The following GNAQ variants were observed in gnomAD, a reference collection of about 807,000 sequenced individuals.
GNAQ encodes the protein guanine nucleotide-binding protein G(q) subunit alpha.
Under a neutral mutation model 43.9 loss-of-function variants are expected in GNAQ, and 8 were observed. The ratio of observed to expected loss-of-function variants is 0.18; its 90% CI spans 0.11 to 0.33. The LOEUF is 0.33. Among genes scored for constraint, GNAQ ranks in the 10% least tolerant of loss-of-function variants. The pLI, the probability that GNAQ is intolerant of heterozygous loss-of-function variation, is 1.00. For synonymous variants in GNAQ, 155 were observed against 170.7 expected (o/e 0.91, Z 0.71); for missense variants, 158 against 450.8 (o/e 0.35, Z 5.88).
intron 2 of GNAQ, among the ~76,000 whole-genome samples, chr9:77,878,356 T>A (rs1029014151): frequency 2.0e-5 from 3 of 151,994 alleles, no homozygotes; most frequent in Admixed American, 6.6e-5. Context: ...AGGATTGAAT[T>A]CAAAATAGCC....
At chr9:77,723,003 T>G (rs912058347) in intron 6 of GNAQ, among the ~76,000 whole-genome samples, 3 of 152,170 alleles carry the variant, frequency 2.0e-5, no homozygotes, top group African/African-American at 7.2e-5. Flanking sequence ...TATTTACAAA[T>G]CATGTCATCT....
chr9:77,774,491 T>C (rs1826277377), intron 5 of GNAQ, among the ~76,000 whole-genome samples: 1 of 152,240 alleles, frequency 6.6e-6, no homozygotes, highest in Non-Finnish European at 1.5e-5. Context: ...AGACAGGTTC[T>C]TGCTCTGTCA....
At chr9:77,878,350 T>A (rs548350557) in intron 2 of GNAQ, among the ~76,000 whole-genome samples, 1 of 151,806 alleles carries the variant, frequency 6.6e-6, no homozygotes, top group East Asian at 1.9e-4. Context: ...AAAGAAAGGA[T>A]TGAATTCAAA....
chr9:77,945,331 T>A (rs1216004729), intron 1 of GNAQ, among the ~76,000 whole-genome samples: 1 of 151,842 alleles, frequency 6.6e-6, no homozygotes, highest in Non-Finnish European at 1.5e-5. Context: ...AGTAAGAAAA[T>A]AAGTAGTTTA....
At chr9:77,887,748 T>C (rs1044657704) in intron 2 of GNAQ, among the ~76,000 whole-genome samples, 1 of 152,248 alleles carries the variant, frequency 6.6e-6, no homozygotes, top group South Asian at 2.1e-4. Flanking sequence ...TTAGATGTTA[T>C]ATTAATATAT....
intron 2 of GNAQ, among the ~76,000 whole-genome samples, chr9:77,854,695 T>C (rs1043331880): frequency 6.6e-6 from 1 of 152,186 alleles, no homozygotes; most frequent in Admixed American, 6.6e-5. Flanking sequence ...CCATATACTA[T>C]AACCAGCACA....
Position 77,794,452 on chromosome 9 carries a change from A to C in GNAQ, c.735+11T>G. 1 of 1,574,316 alleles carries C rather than the reference A, an allele frequency of 6.4e-7. No homozygotes were observed. Among genetic ancestry groups the C allele is most frequent in the Non-Finnish European group, 8.7e-7 (1 of 1,153,378 alleles). ...AAATGATAATCCATTGCCTGTCTAA[A>C]GAACACTTACCTCATTGTCTGACTC... is the stretch of plus-strand genomic sequence containing the variant. On this transcript the variant is annotated intron_variant, in intron 5 of 6. Transcript: ENST00000286548.
intron 5 of GNAQ, among the ~76,000 whole-genome samples, chr9:77,787,384 CT>C (rs560988594): frequency 3.3e-5 from 5 of 152,118 alleles, no homozygotes; most frequent in Non-Finnish European, 7.4e-5. Context: ...CAGATGTTTG[CT>C]TTTGTGATAA....
At position 77,909,695 on chromosome 9, in the gene GNAQ, AAAC is replaced by A. The variant is rs540200954; in HGVS notation, c.321+12463_321+12465del. ...TAACACAAGATAGTAAAAAAAAAAA[AAAC>A]AACAACTGCATATGCATCTTACAAA... On this transcript the variant is annotated intron_variant, in intron 2 of 6. Transcript: ENST00000286548. Among the ~76,000 whole-genome samples the A allele has an allele frequency of 1.2e-3, 181 of 152,142 alleles. 2 individuals are homozygous for A. The highest frequency in any genetic ancestry group is 4.0e-3 in the African/African-American group (168 of 41,486).
chr9:77,840,395 G>A (rs1226384359), intron 2 of GNAQ, among the ~76,000 whole-genome samples: 1 of 149,330 alleles, frequency 6.7e-6, no homozygotes, highest in African/African-American at 2.5e-5. Flanking sequence ...GGAGTACAGT[G>A]GCATAATCTT....
At chr9:78,029,413 C>G (rs2118625696) in intron 1 of GNAQ, among the ~76,000 whole-genome samples, 1 of 152,030 alleles carries the variant, frequency 6.6e-6, no homozygotes, top group East Asian at 1.9e-4. Flanking sequence ...CTTGAGAACT[C>G]AGAAAACATT....
chr9:77,921,778 T>C (rs941079276), intron 2 of GNAQ, among the ~76,000 whole-genome samples: 12 of 152,216 alleles, frequency 7.9e-5, no homozygotes, highest in Admixed American at 5.9e-4. Context: ...TTTTTCAATG[T>C]ATTAAAAAGC....
intron 1 of GNAQ, among the ~76,000 whole-genome samples, chr9:77,934,067 T>C (rs1829193705): frequency 6.6e-6 from 1 of 152,180 alleles, no homozygotes; most frequent in African/African-American, 2.4e-5. Flanking sequence ...TGAAATGCCA[T>C]TTTCCACCTT....
chr9:77,985,032 C>T (rs1383297613), intron 1 of GNAQ, among the ~76,000 whole-genome samples: 2 of 152,142 alleles, frequency 1.3e-5, no homozygotes, highest in Non-Finnish European at 2.9e-5. Context: ...GTTTGTGGGC[C>T]AGGCGCGGTG....
At chr9:77,843,605 C>T (rs1005862849) in intron 2 of GNAQ, among the ~76,000 whole-genome samples, 3 of 152,096 alleles carry the variant, frequency 2.0e-5, no homozygotes, top group Non-Finnish European at 4.4e-5. Flanking sequence ...AGTAGTTTGG[C>T]ATATTTGCCC....
chr9:77,919,462 T>G (rs1366267670), intron 2 of GNAQ, among the ~76,000 whole-genome samples: 1 of 152,018 alleles, frequency 6.6e-6, no homozygotes, highest in Non-Finnish European at 1.5e-5. Context: ...CTTAGCACTA[T>G]GAGGGGCTGG....
At chr9:77,921,223 G>A (rs1015767113) in intron 2 of GNAQ, among the ~76,000 whole-genome samples, 3 of 152,190 alleles carry the variant, frequency 2.0e-5, no homozygotes, top group Non-Finnish European at 4.4e-5. Context: ...GGAAGGCAAC[G>A]AAGTCTTTTG....
chr9:77,938,132 A>G (rs967178149), intron 1 of GNAQ, among the ~76,000 whole-genome samples: 11 of 152,140 alleles, frequency 7.2e-5, no homozygotes, highest in Admixed American at 3.9e-4. Context: ...AATGATCTCT[A>G]CATTACTTAT....
chr9:77,871,954 C>A (rs964223141), intron 2 of GNAQ, among the ~76,000 whole-genome samples: 2 of 152,094 alleles, frequency 1.3e-5, no homozygotes, highest in African/African-American at 4.8e-5. Context: ...CATTGCTATG[C>A]CCTAAATTAT....
Sources: allele counts gnomAD v4.1 joint callset (sites outside exome capture counted in the v4.1 genomes callset), GRCh38; gene constraint gnomAD v4.1.1; transcripts MANE v1.5; gene names NCBI Gene and HGNC (gene_info 2026-07-23, HGNC 2026-07-21).